Variants in RGS9 observed in about 807,000 individuals in gnomAD.
The protein encoded by RGS9 is regulator of G protein signaling 9, also known as regulator of G-protein signalling 9.
RGS9 carries 78 observed loss-of-function variants against 102.0 expected under a neutral mutation model. The observed-to-expected ratio is 0.76, with a 90% CI of 0.64 to 0.92. The LOEUF is 0.92. Among genes scored for constraint, RGS9 ranks in the 40% least tolerant of loss-of-function variants. The pLI is 0.00. For missense variants in RGS9, 833 were observed against 866.1 expected, an observed-to-expected ratio of 0.96 and a Z score of 0.48; for synonymous variants, 353 against 318.6, an observed-to-expected ratio of 1.11 and a Z score of -1.15.
intron 17 of RGS9, among the ~76,000 whole-genome samples, chr17:65,211,176 T>C (rs990899730): frequency 2.0e-5 from 3 of 152,230 alleles, no homozygotes; most frequent in Non-Finnish European, 4.4e-5. Context: ...TAATTTAGAC[T>C]ATTGTTTCCA....
At chr17:65,189,507 G>A (rs1471584350) in intron 10 of RGS9, among the ~76,000 whole-genome samples, 192 bp downstream of exon 10, 2 of 152,232 alleles carry the variant, frequency 1.3e-5, no homozygotes, top group Non-Finnish European at 2.9e-5. Context: ...CTGGGGCTGA[G>A]GCTGGCACTC....
chr17:65,214,654 G>A (rs1192210392), intron 17 of RGS9, among the ~76,000 whole-genome samples: 2 of 152,234 alleles, frequency 1.3e-5, no homozygotes, highest in Non-Finnish European at 2.9e-5. Flanking sequence ...ATTGGGTCAG[G>A]AAAAGGTGCT....
chr17:65,150,205 G>T (rs1273190863), intron 1 of RGS9, among the ~76,000 whole-genome samples: 2 of 152,206 alleles, frequency 1.3e-5, no homozygotes, highest in African/African-American at 4.8e-5. Context: ...GCAGGAAAGG[G>T]CTTTGTTTCC....
At chr17:65,183,000 C>A (rs16960881) in intron 9 of RGS9, among the ~76,000 whole-genome samples, 6,421 of 152,202 alleles carry the variant, frequency 0.042, 230 homozygotes, top group African/African-American at 0.081. Flanking sequence ...CTATTTACTT[C>A]ACATGATCGC....
At chr17:65,151,914 C>T (rs953902914) in intron 1 of RGS9, among the ~76,000 whole-genome samples, 1 of 152,164 alleles carries the variant, frequency 6.6e-6, no homozygotes, top group Non-Finnish European at 1.5e-5. Flanking sequence ...ATGTGGCAGG[C>T]ATGCTTCCTG....
At chr17:65,150,392 C>T (rs768002498) in intron 1 of RGS9, among the ~76,000 whole-genome samples, 1 of 152,090 alleles carries the variant, frequency 6.6e-6, no homozygotes, top group Non-Finnish European at 1.5e-5. Context: ...GAGGCTGAAG[C>T]GGGTGGATCA....
chr17:65,139,359 C>T (rs574956331), intron 1 of RGS9, among the ~76,000 whole-genome samples: 14 of 151,126 alleles, frequency 9.3e-5, no homozygotes, highest in South Asian at 2.1e-4. Flanking sequence ...TGACCTGAAA[C>T]GCTCCACTGG....
Position 65,158,450 on chromosome 17 carries a change from T to C in RGS9, c.205+105T>C. ...CTGTGTTTCTGAGAAATTTACATTT[T>C]AATTGGACAGACATGACCTTCGTGT... On this transcript the variant is annotated intron_variant, in intron 3 of 18. Transcript: ENST00000262406. The C allele has an allele frequency of 2.8e-6, 3 of 1,075,128 alleles. No individual in the cohort carries two copies. The South Asian group carries it at 3.7e-5, about 13-fold the overall frequency. 66.6% of individuals were successfully genotyped at this position (1,075,128 alleles called of 1,614,324 possible). A position where few individuals can be genotyped will look rare whatever the true frequency, so the allele number is the denominator to read the frequency against.
chr17:65,189,930 C>A (rs1292631883), intron 10 of RGS9, among the ~76,000 whole-genome samples: 1 of 148,098 alleles, frequency 6.8e-6, no homozygotes, highest in Non-Finnish European at 1.5e-5. Context: ...CTCCTTAGAA[C>A]TTTTTTTTTT....
chr17:65,145,932 G>A (rs1426458015), intron 1 of RGS9, among the ~76,000 whole-genome samples: 8 of 152,090 alleles, frequency 5.3e-5, no homozygotes, highest in Admixed American at 4.6e-4. Context: ...CGAGGTCCAC[G>A]TGACGTTCCC....
intron 17 of RGS9, among the ~76,000 whole-genome samples, chr17:65,217,460 A>C (rs1001630212): frequency 6.6e-6 from 1 of 152,228 alleles, no homozygotes; most frequent in African/African-American, 2.4e-5. Flanking sequence ...AGGCCACTGG[A>C]TTTAGCAGTA....
intron 17 of RGS9, among the ~76,000 whole-genome samples, chr17:65,218,609 G>A (rs1913595829): frequency 1.3e-5 from 2 of 152,222 alleles, no homozygotes; most frequent in South Asian, 4.1e-4. Context: ...ATAGTAGAGA[G>A]TGTCTGGCTT....
chr17:65,191,207 A>G (rs1337745080), intron 11 of RGS9, among the ~76,000 whole-genome samples: 1 of 152,166 alleles, frequency 6.6e-6, no homozygotes, highest in Non-Finnish European at 1.5e-5. Flanking sequence ...ACTCAAAACC[A>G]TTTACTTCCG....
Position 65,193,598 on chromosome 17 carries a change from C to T in RGS9, c.802C>T (p.Leu268Phe). The T allele has an allele frequency of 2.5e-6, 4 of 1,613,928 alleles. No homozygotes were observed. Among genetic ancestry groups the T allele is most frequent in the Non-Finnish European group, 2.5e-6 (3 of 1,179,834 alleles). Residue 268 changes from leucine to phenylalanine, a missense_variant, in exon 12 of 19, where the codon CTC becomes TTC. Leu to Phe is a conservative substitution (Grantham distance 22). Coordinates refer to ENST00000262406, the MANE Select transcript of RGS9 (RefSeq NM_003835.4). ...CAACGATGCCATCATGTCAGGCTGC[C>T]TCCCCAGCAACCCCTGGATCACCGA... Reference protein sequence around the residue: ...SSNDAIMSGCLPSNPWITDDT... With the variant: ...SSNDAIMSGCFPSNPWITDDT...
chr17:65,160,775 C>G (rs1910952895), intron 5 of RGS9, 76 bp from the exon 6 acceptor site: 1 of 1,509,006 alleles, frequency 6.6e-7, no homozygotes, highest in Admixed American at 1.7e-5. Flanking sequence ...CTGAGCACAG[C>G]AGCCTCAGGC....
intron 1 of RGS9, among the ~76,000 whole-genome samples, chr17:65,150,704 T>C (rs184108090): frequency 1.6e-3 from 247 of 152,322 alleles, no homozygotes; most frequent in Non-Finnish European, 2.7e-3. Context: ...CATGACACCA[T>C]AGACTCACCC....
chr17:65,157,414 G>T (rs1432379786), intron 2 of RGS9, among the ~76,000 whole-genome samples: 1 of 151,864 alleles, frequency 6.6e-6, no homozygotes, highest in Non-Finnish European at 1.5e-5. Context: ...CTGTGGGGTC[G>T]TACGGCAGCT....
At chr17:65,197,290 G>C in intron 13 of RGS9, 49 bp downstream of exon 13, 2 of 1,246,214 alleles carry the variant, frequency 1.6e-6, no homozygotes, top group Non-Finnish European at 2.3e-6. Context: ...CTTTTAGAAA[G>C]AGTCCTTTAA....
At chr17:65,179,776 T>G (rs897179239) in intron 9 of RGS9, among the ~76,000 whole-genome samples, 1 of 151,454 alleles carries the variant, frequency 6.6e-6, no homozygotes, top group Non-Finnish European at 1.5e-5. Context: ...CTGAGGAGGG[T>G]GACCAGATTA....
Sources: gnomAD v4.1 joint callset for allele counts (sites outside exome capture counted in the v4.1 genomes callset) on GRCh38, gnomAD v4.1.1 for gene constraint, MANE v1.5 for transcripts, NCBI Gene and HGNC (gene_info 2026-07-23, HGNC 2026-07-21) for gene names.